The following RANBP17 variants were observed in gnomAD, a reference collection of about 807,000 sequenced individuals.
RANBP17 encodes the protein RAN binding protein 17.
Under a neutral mutation model 141.2 loss-of-function variants are expected in RANBP17, and 158 were observed. The ratio of observed to expected loss-of-function variants is 1.12; its 90% CI spans 0.98 to 1.28. The LOEUF (loss-of-function observed/expected upper bound fraction) is 1.28, where lower values mean the gene tolerates loss of function less well. Among genes scored for constraint, RANBP17 ranks in the 50% most tolerant of loss-of-function variants. The pLI, the probability that RANBP17 is intolerant of heterozygous loss-of-function variation, is 0.00. For missense variants in RANBP17, 1,438 were observed against 1,290.7 expected (o/e 1.11, Z -1.75); for synonymous variants, 430 against 450.0 (o/e 0.96, Z 0.56).
rs1159303303 is a variant in RANBP17 at position 171,081,013 on chromosome 5, TTAAGG to T, written c.1711-89114_1711-89110del. The stretch of plus-strand genomic sequence containing the variant: ...TACTGGGCATTGACTGTGTGATGTT[TTAAGG>T]TAGATTATTTGACCCCACTTTATAG... On this transcript the variant is annotated intron_variant, in intron 14 of 27. Coordinates refer to ENST00000523189, the MANE Select transcript of RANBP17 (RefSeq NM_022897.5). Among the ~76,000 whole-genome samples the T allele has an allele frequency of 2.6e-5, 4 of 152,180 alleles. 1 individual carries two copies. Among genetic ancestry groups the T allele is most frequent in the Admixed American group, 2.6e-4 (4 of 15,276 alleles).
At chr5:171,036,576 A>T (rs570055144) in intron 14 of RANBP17, among the ~76,000 whole-genome samples, 28 of 152,246 alleles carry the variant, frequency 1.8e-4, no homozygotes, top group Non-Finnish European at 4.0e-4. Flanking sequence ...TACTACCCAT[A>T]GTTAGTTTTT....
chr5:171,079,101 T>C (rs998397502), intron 14 of RANBP17, among the ~76,000 whole-genome samples: 5 of 152,188 alleles, frequency 3.3e-5, no homozygotes, highest in Admixed American at 6.5e-5. Context: ...TTAACATTAA[T>C]ATATTGACTC....
chr5:171,290,689 G>T (rs542589838), intron 25 of RANBP17, among the ~76,000 whole-genome samples: 2 of 152,200 alleles, frequency 1.3e-5, no homozygotes, highest in African/African-American at 4.8e-5. Flanking sequence ...TATTTTGGTT[G>T]TATATGTGTC....
intron 14 of RANBP17, among the ~76,000 whole-genome samples, chr5:171,107,801 G>A (rs1754957595): frequency 1.3e-5 from 2 of 152,194 alleles, no homozygotes; most frequent in Admixed American, 6.5e-5. Context: ...GACCTTCTAG[G>A]ATATAAACTG....
intron 12 of RANBP17, among the ~76,000 whole-genome samples, chr5:170,938,408 CAATA>C (rs1774060273): frequency 6.6e-6 from 1 of 152,056 alleles, no homozygotes. Context: ...TAAACAAAAA[CAATA>C]AAAGCCAGCA....
chr5:171,052,213 C>G (rs1581497784), intron 14 of RANBP17, among the ~76,000 whole-genome samples: 2 of 151,974 alleles, frequency 1.3e-5, no homozygotes, highest in East Asian at 1.9e-4. Flanking sequence ...TATCTTTTCA[C>G]TTTTTTGACG....
chr5:171,208,157 T>C (rs771679028), intron 20 of RANBP17, among the ~76,000 whole-genome samples: 1 of 152,246 alleles, frequency 6.6e-6, no homozygotes, highest in Non-Finnish European at 1.5e-5. Context: ...TAAGAGCACA[T>C]GTCATCTTAA....
intron 14 of RANBP17, among the ~76,000 whole-genome samples, chr5:171,159,917 C>CAAAA (rs1175963382): frequency 1.2e-4 from 5 of 41,512 alleles, no homozygotes; most frequent in African/African-American, 2.3e-4. Context: ...GACTCCATCT[C>CAAAA]AAAAAAAAAA....
rs900834931 is a variant in RANBP17 at position 171,252,303 on chromosome 5, C to T, written c.2776+9483C>T. On this transcript the variant is annotated intron_variant, in intron 24 of 27. Coordinates refer to ENST00000523189, the MANE Select transcript of RANBP17 (RefSeq NM_022897.5). ...GTAATATTAATAATGAAAATAATAA[C>T]AGCACCCCAGACCCAATGCGGGTTC... The T allele has an allele frequency of 2.0e-5, 31 of 1,548,466 alleles. No individual in the cohort carries two copies. In the Admixed American group the frequency reaches 5.3e-4, roughly 26 times the overall value.
intron 14 of RANBP17, among the ~76,000 whole-genome samples, chr5:171,116,774 C>T (rs1224782206): frequency 2.0e-5 from 3 of 152,072 alleles, no homozygotes; most frequent in African/African-American, 4.8e-5. Context: ...TGTAATTTTG[C>T]GTGTGTGTGT....
intron 14 of RANBP17, among the ~76,000 whole-genome samples, chr5:171,124,261 A>G (rs1373021486): frequency 6.6e-6 from 1 of 152,074 alleles, no homozygotes; most frequent in Non-Finnish European, 1.5e-5. Context: ...AGAAGAAAGA[A>G]TATCTGAACT....
At chr5:170,978,990 A>T (rs891084857) in intron 14 of RANBP17, among the ~76,000 whole-genome samples, 5 of 152,174 alleles carry the variant, frequency 3.3e-5, no homozygotes, top group African/African-American at 1.2e-4. Context: ...AAAATGAATG[A>T]TCTAAAACTA....
intron 14 of RANBP17, among the ~76,000 whole-genome samples, chr5:171,008,669 G>A (rs1361684154): frequency 1.3e-5 from 2 of 152,176 alleles, no homozygotes; most frequent in African/African-American, 4.8e-5. Flanking sequence ...GGGTGGGGAA[G>A]ATTACAAAGT....
intron 14 of RANBP17, among the ~76,000 whole-genome samples, chr5:171,113,911 CAGA>C (rs567052960): frequency 7.3e-4 from 111 of 152,084 alleles, no homozygotes; most frequent in Non-Finnish European, 1.4e-3. Flanking sequence ...AGATTGAATG[CAGA>C]AGCAGATATG....
At chr5:170,922,937 A>G (rs749988747) in intron 11 of RANBP17, among the ~76,000 whole-genome samples, 1 of 152,056 alleles carries the variant, frequency 6.6e-6, no homozygotes, top group African/African-American at 2.4e-5. Flanking sequence ...AGCTGTTCCT[A>G]TTTGGCCATC....
chr5:170,941,009 T>C (rs942688974), intron 12 of RANBP17, among the ~76,000 whole-genome samples: 1 of 151,806 alleles, frequency 6.6e-6, no homozygotes, highest in African/African-American at 2.4e-5. Flanking sequence ...ATTTAAAACA[T>C]ATACTTGTAA....
intron 14 of RANBP17, among the ~76,000 whole-genome samples, chr5:171,086,663 G>T (rs1785687000): frequency 6.6e-6 from 1 of 150,704 alleles, no homozygotes; most frequent in Non-Finnish European, 1.5e-5. Flanking sequence ...TCTATTCACA[G>T]ATTCAACTTC....
chr5:171,066,182 G>A (rs540457480), intron 14 of RANBP17, among the ~76,000 whole-genome samples: 1 of 152,088 alleles, frequency 6.6e-6, no homozygotes, highest in African/African-American at 2.4e-5. Context: ...TTTATTTTCA[G>A]TTTGAAATAA....
chr5:171,008,614 A>G (rs1779820424), intron 14 of RANBP17, among the ~76,000 whole-genome samples: 1 of 152,238 alleles, frequency 6.6e-6, no homozygotes, highest in African/African-American at 2.4e-5. Context: ...GAATCTCACA[A>G]AGTACATTCT....
Sources: allele counts gnomAD v4.1 joint callset (sites outside exome capture counted in the v4.1 genomes callset), GRCh38; gene constraint gnomAD v4.1.1; transcripts MANE v1.5; gene names NCBI Gene and HGNC (gene_info 2026-07-23, HGNC 2026-07-21).